Variants in TESK2 observed in about 807,000 individuals in gnomAD.
TESK2 encodes dual specificity testis-specific protein kinase 2.
Under a neutral mutation model 57.1 loss-of-function variants are expected in TESK2, and 39 were observed. The observed-to-expected ratio is 0.68, with a 90% CI of 0.53 to 0.89. TESK2 has a LOEUF of 0.89. Ranked by LOEUF, TESK2 falls within the 40% of genes least tolerant of loss-of-function variation. The pLI, the probability that TESK2 is intolerant of heterozygous loss-of-function variation, is 0.00. For synonymous variants in TESK2, 249 were observed against 267.9 expected (o/e 0.93, Z 0.69); for missense variants, 646 against 732.1 (o/e 0.88, Z 1.36).
chr1:45,456,495 G>A (rs919367738), intron 2 of TESK2, among the ~76,000 whole-genome samples: 3 of 151,566 alleles, frequency 2.0e-5, no homozygotes, highest in Non-Finnish European at 4.4e-5. Flanking sequence ...CCCCAGCCTG[G>A]GCAACAGAGT....
At position 45,355,286 on chromosome 1, in the gene TESK2, G is replaced by A; in HGVS notation, c.540+17C>T. The A allele has an allele frequency of 6.2e-7, 1 of 1,613,172 alleles. No homozygotes were observed. Among genetic ancestry groups the A allele is most frequent in the Non-Finnish European group, 8.5e-7 (1 of 1,179,752 alleles). ...GGTGGTATCTCTCAATGAGTTGTGAGAGTAAAGCCTTCATACCTTAGATGT... is the reference window on the plus strand; with the variant it reads ...GGTGGTATCTCTCAATGAGTTGTGAAAGTAAAGCCTTCATACCTTAGATGT... On this transcript the variant is annotated intron_variant, in intron 5 of 10. Transcript: ENST00000372086.
At chr1:45,457,985 T>C (rs1652175529) in intron 1 of TESK2, 114 bp from the exon 2 acceptor site, 2 of 549,060 alleles carry the variant, frequency 3.6e-6, no homozygotes, top group African/African-American at 1.9e-5. Flanking sequence ...GGTTTTCAGA[T>C]CTAAAAAATG....
At chr1:45,457,442 A>G in intron 2 of TESK2, 122 bp downstream of exon 2, 1 of 815,692 alleles carries the variant, frequency 1.2e-6, no homozygotes, top group Non-Finnish European at 2.0e-6. Context: ...AATTTAGAAC[A>G]GTGTTCAAGA....
rs373927435 is a variant in TESK2 at position 45,345,081 on chromosome 1, C to T, written c.1475G>A (p.Arg492Lys). 3.8e-5 allele frequency: 62 copies of T among 1,614,084 alleles called. No individual in the cohort carries two copies. The highest frequency in any genetic ancestry group is 4.8e-5 in the Non-Finnish European group (57 of 1,180,056). The change falls in exon 11 of 11, where the codon AGA becomes AAA. Residue 492 changes from arginine to lysine, a missense_variant. Transcript: ENST00000372086. ...CCGGAATGGTGGGATCTCTTTAACTCTGTACTTGAGACTACTTAGGCGTGG... is the reference window on the plus strand; with the variant it reads ...CCGGAATGGTGGGATCTCTTTAACTTTGTACTTGAGACTACTTAGGCGTGG... The part of the protein sequence containing the change: ...PPPRLSSLKY[R>K]VKEIPPFRAS...
At chr1:45,368,374 T>C (rs568920268) in intron 4 of TESK2, among the ~76,000 whole-genome samples, 2 of 151,902 alleles carry the variant, frequency 1.3e-5, no homozygotes, top group East Asian at 3.9e-4. Flanking sequence ...TTTTTTTGGT[T>C]TTCTTTTGTT....
rs904348041 is a variant in TESK2, at chr1:45,382,519, G to A, written c.393+3393C>T. On this transcript the variant is annotated intron_variant, in intron 4 of 10. Coordinates refer to ENST00000372086, the MANE Select transcript of TESK2 (RefSeq NM_007170.3). ...CTCTGGAAGTGTTGGGATTACAGGC[G>A]TGAACTACCATGCCCAGACTATGCT... 6.6e-5 allele frequency among the ~76,000 whole-genome samples: 10 copies of A among 152,234 alleles called. 1 individual carries two copies. Among genetic ancestry groups the A allele is most frequent in the South Asian group, 4.1e-4 (2 of 4,826 alleles).
At position 45,422,739 on chromosome 1, in the gene TESK2, C is replaced by T. The variant is rs376372229; in HGVS notation, c.223-893G>A. On this transcript the variant is annotated intron_variant, in intron 2 of 10. Coordinates refer to ENST00000372086, the MANE Select transcript of TESK2 (RefSeq NM_007170.3). ...GATTACAGGTGTGAGCCACCATGCC[C>T]AGCCAATCATGTCTGGTTTTTTGTT... Among the ~76,000 whole-genome samples the T allele has an allele frequency of 7.7e-5, 4 of 51,724 alleles. No individual in the cohort carries two copies. In the East Asian group the frequency reaches 2.2e-3, roughly 29 times the overall value. 33.9% of individuals were successfully genotyped at this position (51,724 alleles called of 152,430 possible). A position where few individuals can be genotyped will look rare whatever the true frequency, so the allele number is the denominator to read the frequency against.
At chr1:45,401,519 G>A (rs1304266752) in intron 3 of TESK2, among the ~76,000 whole-genome samples, 1 of 151,968 alleles carries the variant, frequency 6.6e-6, no homozygotes, top group Non-Finnish European at 1.5e-5. Context: ...AGAGTTCTGG[G>A]GCCACTGTAT....
intron 1 of TESK2, among the ~76,000 whole-genome samples, chr1:45,486,624 G>A (rs1397509388): frequency 6.7e-6 from 1 of 150,176 alleles, no homozygotes; most frequent in Non-Finnish European, 1.5e-5. Flanking sequence ...GCAGTGAGCC[G>A]AGATCTTGCC....
intron 4 of TESK2, among the ~76,000 whole-genome samples, chr1:45,381,111 C>G (rs78614346): frequency 0.013 from 1,942 of 152,240 alleles, 31 homozygotes; most frequent in African/African-American, 0.044. Context: ...AGTTAATATA[C>G]AGTATCAACC....
At chr1:45,366,543 G>A (rs1414455402) in intron 4 of TESK2, among the ~76,000 whole-genome samples, 1 of 152,050 alleles carries the variant, frequency 6.6e-6, no homozygotes, top group African/African-American at 2.4e-5. Context: ...GCCCATTCTT[G>A]GTGCCACTTT....
intron 1 of TESK2, among the ~76,000 whole-genome samples, chr1:45,475,103 T>TCAC (rs1473247853): frequency 6.8e-6 from 1 of 146,276 alleles, no homozygotes; most frequent in Non-Finnish European, 1.5e-5. Flanking sequence ...GAAAGGCAAC[T>TCAC]CACCTTTTCT....
At chr1:45,382,427 C>T (rs1467866201) in intron 4 of TESK2, among the ~76,000 whole-genome samples, 1 of 152,098 alleles carries the variant, frequency 6.6e-6, no homozygotes, top group Non-Finnish European at 1.5e-5. Flanking sequence ...TTTGTAGAGA[C>T]AGGCTTTTGC....
At chr1:45,464,070 G>A (rs958767573) in intron 1 of TESK2, among the ~76,000 whole-genome samples, 2 of 152,106 alleles carry the variant, frequency 1.3e-5, no homozygotes, top group African/African-American at 4.8e-5. Context: ...TCTGTGAAGA[G>A]TGTCACTGGT....
intron 2 of TESK2, among the ~76,000 whole-genome samples, chr1:45,449,320 A>G (rs933338327): frequency 6.6e-6 from 1 of 152,048 alleles, no homozygotes; most frequent in African/African-American, 2.4e-5. Context: ...TTTTTACCAT[A>G]CAGTCCACCA....
rs1056123497 is a variant in TESK2, at chr1:45,345,997, G to A, written c.880-3C>T. ...GATGGGCGCAGTTTGGGATCCATCT[G>A]TAGGTATCCACAACAGCCATGAGCT... On this transcript the variant is annotated splice_polypyrimidine_tract_variant and splice_region_variant and intron_variant, in intron 9 of 10. Transcript: ENST00000372086. The A allele has an allele frequency of 1.5e-5, 24 of 1,610,012 alleles. No individual in the cohort carries two copies. In the East Asian group the frequency reaches 5.3e-4, roughly 36 times the overall value.
chr1:45,475,926 G>A (rs1652973012), intron 1 of TESK2, among the ~76,000 whole-genome samples: 1 of 152,156 alleles, frequency 6.6e-6, no homozygotes, highest in Non-Finnish European at 1.5e-5. Flanking sequence ...GATTTGCCAG[G>A]GGCTCTCAGG....
At chr1:45,439,869 G>C (rs1651369259) in intron 2 of TESK2, among the ~76,000 whole-genome samples, 1 of 152,056 alleles carries the variant, frequency 6.6e-6, no homozygotes, top group Non-Finnish European at 1.5e-5. Flanking sequence ...GAGGCAGGAG[G>C]ATCACTTGAG....
chr1:45,475,078 A>AAAAG (rs1652929302), intron 1 of TESK2, among the ~76,000 whole-genome samples: 3 of 143,840 alleles, frequency 2.1e-5, no homozygotes, highest in South Asian at 2.2e-4. Flanking sequence ...AAAAAAAAAA[A>AAAAG]AAAAGAAAAG....
Sources: gnomAD v4.1 joint callset for allele counts (sites outside exome capture counted in the v4.1 genomes callset) on GRCh38, gnomAD v4.1.1 for gene constraint, MANE v1.5 for transcripts, NCBI Gene and HGNC (gene_info 2026-07-23, HGNC 2026-07-21) for gene names.